MYT1L: variants seen among roughly 807,000 people sequenced by gnomAD.
MYT1L encodes the protein myelin transcription factor 1-like protein.
In MYT1L, 12 loss-of-function variants were observed where a neutral mutation model predicts 126.7. The observed-to-expected ratio is 0.09, with a 90% CI of 0.06 to 0.15. The LOEUF is 0.15. Among genes scored for constraint, MYT1L ranks in the 10% least tolerant of loss-of-function variants. The pLI is 1.00. For synonymous variants in MYT1L, 541 were observed against 604.2 expected, an observed-to-expected ratio of 0.90 and a Z score of 1.53; for missense variants, 979 against 1,585.2, an observed-to-expected ratio of 0.62 and a Z score of 6.49.
chr2:2,132,585 C>T lies in MYT1L; in HGVS notation c.-304+40287G>A, dbSNP rs1459059708. Among the ~76,000 whole-genome samples the T allele has an allele frequency of 5.5e-5, 7 of 128,304 alleles. No homozygotes were observed. In the East Asian group the frequency reaches 1.7e-3, roughly 31 times the overall value. 84.2% of individuals were successfully genotyped at this position (128,304 alleles called of 152,430 possible). A position where few individuals can be genotyped will look rare whatever the true frequency, so the allele number is the denominator to read the frequency against. ...ACTGGGGCCTGTCGGGGGGTGGGGG[C>T]AAGGGGAGGGAGAGCGTTAGAACAA... On this transcript the variant is annotated intron_variant, in intron 3 of 24. Transcript: ENST00000647738.
intron 2 of MYT1L, among the ~76,000 whole-genome samples, chr2:2,214,231 TA>T (rs539043328): frequency 1.3e-3 from 188 of 146,656 alleles, no homozygotes; most frequent in Middle Eastern, 3.5e-3. Flanking sequence ...CAGAATAACC[TA>T]AAAAAAAAAG....
chr2:2,295,829 A>G (rs1360261577), intron 1 of MYT1L, among the ~76,000 whole-genome samples: 1 of 149,860 alleles, frequency 6.7e-6, no homozygotes, highest in African/African-American at 2.5e-5. Context: ...GGATGTAGAC[A>G]GAGAGAGAGG....
chr2:1,980,586 A>G (rs1164797527), intron 5 of MYT1L, among the ~76,000 whole-genome samples: 1 of 152,112 alleles, frequency 6.6e-6, no homozygotes, highest in Non-Finnish European at 1.5e-5. Context: ...ATGCTTTTAT[A>G]TATTACTTTG....
chr2:1,863,244 C>T (rs766222820), intron 18 of MYT1L, among the ~76,000 whole-genome samples: 6 of 152,140 alleles, frequency 3.9e-5, no homozygotes, highest in East Asian at 1.9e-4. Flanking sequence ...GCTGTTTTCA[C>T]GGATCCTGTG....
intron 4 of MYT1L, among the ~76,000 whole-genome samples, chr2:2,051,532 G>C (rs965273342): frequency 1.8e-4 from 27 of 152,130 alleles, no homozygotes; most frequent in Admixed American, 1.4e-3. Flanking sequence ...AGATTAGGTG[G>C]AACATCCCAT....
intron 21 of MYT1L, among the ~76,000 whole-genome samples, chr2:1,835,463 C>T (rs1001163268): frequency 2.6e-5 from 4 of 152,172 alleles, no homozygotes; most frequent in Admixed American, 6.5e-5. Context: ...ACTGTAAGAT[C>T]GAAAAATTGT....
rs2041335418 is a variant in MYT1L at position 1,839,330 on chromosome 2, C to T, written c.2899G>A (p.Gly967Arg). The change falls in exon 21 of 25, where the codon GGG becomes AGG. Residue 967 changes from glycine to arginine, a missense_variant. Gly to Arg is a moderately radical substitution (Grantham distance 125). This residue lies in a region of MYT1L where 179 missense variants were observed against 398.6 expected (regional missense o/e 0.45). Coordinates refer to ENST00000647738, the MANE Select transcript of MYT1L (RefSeq NM_001303052.2). Reference protein sequence around the residue: ...PGCDGQGHITGKYASHRSASG... With the variant: ...PGCDGQGHITRKYASHRSASG... ...GCGCTGCGATGGGACGCGTACTTCCCAGTGATGTGGCCCTGGCCGTCGCAC... is the reference window on the plus strand; with the variant it reads ...GCGCTGCGATGGGACGCGTACTTCCTAGTGATGTGGCCCTGGCCGTCGCAC... 5 of 1,613,362 alleles carry T rather than the reference C, an allele frequency of 3.1e-6. No homozygotes were observed. The highest frequency in any genetic ancestry group is 1.3e-5 in the African/African-American group (1 of 74,952).
At chr2:1,908,750 G>C (rs1416233977) in intron 13 of MYT1L, among the ~76,000 whole-genome samples, 2 of 152,184 alleles carry the variant, frequency 1.3e-5, no homozygotes, top group East Asian at 3.9e-4. Flanking sequence ...GAGTTGTTCA[G>C]TGTTTGGTCT....
Position 1,952,126 on chromosome 2 carries a change from C to A in MYT1L, c.153-8792G>T, listed in dbSNP as rs373349110. On this transcript the variant is annotated intron_variant, in intron 8 of 24. Coordinates refer to ENST00000647738, the MANE Select transcript of MYT1L (RefSeq NM_001303052.2). ...TGTATTTTCTTAAACTTGACAGACA[C>A]GTTCTATACATGAAAAACATTCAAC... Among the ~76,000 whole-genome samples, 12 of 152,224 alleles carry A rather than the reference C, an allele frequency of 7.9e-5. No individual in the cohort carries two copies. In the East Asian group the frequency reaches 2.1e-3, roughly 27 times the overall value.
Position 1,910,332 on chromosome 2 carries a change from C to A in MYT1L, c.1725G>T (p.Pro575=). ...TGGCCAGTTTCTCTGCTGCAGCGAT[C>A]GGGCATCCGGAGAGGCTGCAATCAC... ...RNSHRSLSGC[P]IAAAEKLAKA... is the part of the protein sequence containing the mutation. The change falls in exon 13 of 25, where the codon CCG becomes CCT. Residue 575 remains proline (P), a synonymous_variant. Transcript: ENST00000647738. The surrounding 1 kb of genome is among the most constrained non-coding windows in gnomAD (Gnocchi z 4.8). 1 of 1,611,936 alleles carries A rather than the reference C, an allele frequency of 6.2e-7. No homozygotes were observed. The highest frequency in any genetic ancestry group is 1.7e-5 in the Admixed American group (1 of 60,024).
intron 3 of MYT1L, among the ~76,000 whole-genome samples, chr2:2,119,080 G>T (rs1265622223): frequency 6.6e-6 from 1 of 152,204 alleles, no homozygotes; most frequent in Non-Finnish European, 1.5e-5. Context: ...TACTGGTTGG[G>T]TTTGCATTTA....
intron 2 of MYT1L, among the ~76,000 whole-genome samples, chr2:2,245,977 C>T (rs1437945601): frequency 6.6e-6 from 1 of 152,178 alleles, no homozygotes; most frequent in African/African-American, 2.4e-5. Flanking sequence ...GCCCTGCCAG[C>T]TTTGATTTTA....
chr2:2,236,076 A>G (rs956572527), intron 2 of MYT1L, among the ~76,000 whole-genome samples: 71 of 151,566 alleles, frequency 4.7e-4, no homozygotes, highest in Non-Finnish European at 2.9e-5. Flanking sequence ...TTACATCCCA[A>G]CCCAACCCAG....
intron 3 of MYT1L, among the ~76,000 whole-genome samples, chr2:2,093,703 C>T (rs1353067475): frequency 6.6e-6 from 1 of 152,132 alleles, no homozygotes; most frequent in African/African-American, 2.4e-5. Flanking sequence ...AATTAGATCC[C>T]ATTTGTCAAT....
In MYT1L at chr2:2,180,780, CTG is replaced by C. The variant is rs769636763; in HGVS notation, c.-420-7794_-420-7793del. Among the ~76,000 whole-genome samples, 9 of 143,500 alleles carry C rather than the reference CTG, an allele frequency of 6.3e-5. No individual in the cohort carries two copies. In the South Asian group the frequency reaches 1.4e-3, roughly 22 times the overall value. The allele number at this position is 143,500 out of a possible 152,430, so 94.1% of individuals were successfully genotyped here. A position where few individuals can be genotyped will look rare whatever the true frequency, so the allele number is the denominator to read the frequency against. ...CATGTACCTGTACCTGTATTTGTACCTGTGTGTGCCTGTGTGTGCACCTGTAT... is the reference window on the plus strand; with the variant it reads ...CATGTACCTGTACCTGTATTTGTACCTGTGTGCCTGTGTGTGCACCTGTAT... On this transcript the variant is annotated intron_variant, in intron 2 of 24. Coordinates refer to ENST00000647738, the MANE Select transcript of MYT1L (RefSeq NM_001303052.2).
chr2:2,300,528 T>A (rs1450653956), intron 1 of MYT1L, among the ~76,000 whole-genome samples: 6 of 152,324 alleles, frequency 3.9e-5, no homozygotes, highest in Non-Finnish European at 8.8e-5. Flanking sequence ...TTTCTTGAGG[T>A]AATTTACATA....
At chr2:2,225,098 C>T (rs1031879009) in intron 2 of MYT1L, among the ~76,000 whole-genome samples, 4 of 151,696 alleles carry the variant, frequency 2.6e-5, no homozygotes, top group Non-Finnish European at 2.9e-5. Flanking sequence ...CCTTTGGACA[C>T]TGTTTAAAGG....
In MYT1L at chr2:1,791,685, T is replaced by G; in HGVS notation, c.*182A>C. 1.7e-6 allele frequency: 1 copy of G among 588,502 alleles called. No homozygotes were observed. Among genetic ancestry groups the G allele is most frequent in the Non-Finnish European group, 2.8e-6 (1 of 356,336 alleles). 36.5% of individuals were successfully genotyped at this position (588,502 alleles called of 1,614,324 possible). Reference sequence around the variant, plus strand: ...GGAAACGTACAAAATGTGGGTGTATTCAAAAACTATTCTGCAGGTACTATC... The same window carrying G: ...GGAAACGTACAAAATGTGGGTGTATGCAAAAACTATTCTGCAGGTACTATC... On this transcript the variant is annotated 3_prime_UTR_variant, in exon 25 of 25. Transcript: ENST00000647738. This position sits in a 1 kb window ranked among gnomAD's most constrained non-coding sequence, Gnocchi z 6.0.
At chr2:2,022,558 G>C (rs1349621886) in intron 4 of MYT1L, among the ~76,000 whole-genome samples, 1 of 151,974 alleles carries the variant, frequency 6.6e-6, no homozygotes, top group Non-Finnish European at 1.5e-5. Flanking sequence ...TTCCGGTCTG[G>C]AAGTATGCCA....
Sources: gnomAD v4.1 joint callset for allele counts (sites outside exome capture counted in the v4.1 genomes callset) on GRCh38, gnomAD v4.1.1 for gene constraint, gnomAD v4.1.1 regional missense constraint, Gnocchi (gnomAD v3.1) non-coding constraint, MANE v1.5 for transcripts, NCBI Gene and HGNC (gene_info 2026-07-23, HGNC 2026-07-21) for gene names.